MPDZ: variants seen among roughly 807,000 people sequenced by gnomAD.
MPDZ encodes multiple PDZ domain protein.
MPDZ carries 234 observed loss-of-function variants against 239.1 expected under a neutral mutation model. That is an observed-to-expected ratio of 0.98 (90% CI 0.88 to 1.09). The LOEUF (loss-of-function observed/expected upper bound fraction) is 1.09, where lower values mean the gene tolerates loss of function less well. Among genes scored for constraint, MPDZ ranks in the 50% least tolerant of loss-of-function variants. The pLI, the probability that MPDZ is intolerant of heterozygous loss-of-function variation, is 0.00. For missense variants in MPDZ, 3,175 were observed against 2,510.0 expected (o/e 1.26, Z -5.66); for synonymous variants, 1,048 against 881.3 (o/e 1.19, Z -3.35).
chr9:13,122,235 G>T, intron 36 of MPDZ, 65 bp from the exon 37 acceptor site: 1 of 1,412,978 alleles, frequency 7.1e-7, no homozygotes, highest in East Asian at 2.3e-5. Context: ...AGCAGAAATG[G>T]AGTCCAAACA....
At chr9:13,233,516 C>A (rs747847156) in intron 3 of MPDZ, among the ~76,000 whole-genome samples, 5 of 151,950 alleles carry the variant, frequency 3.3e-5, no homozygotes, top group African/African-American at 4.8e-5. Flanking sequence ...TTAGGACTGA[C>A]TGAAAGGTGA....
chr9:13,254,466 T>C (rs1032801787), intron 1 of MPDZ, among the ~76,000 whole-genome samples: 1 of 152,238 alleles, frequency 6.6e-6, no homozygotes, highest in Admixed American at 6.5e-5. Flanking sequence ...ATACACAGTA[T>C]ATTGTTGTAA....
At chr9:13,257,168 C>G (rs1214934289) in intron 1 of MPDZ, among the ~76,000 whole-genome samples, 1 of 152,154 alleles carries the variant, frequency 6.6e-6, no homozygotes, top group African/African-American at 2.4e-5. Flanking sequence ...GCTTAGCTCT[C>G]AGAACCATAA....
chr9:13,188,850 T>A lies in MPDZ; in HGVS notation c.2298A>T (p.Glu766Asp). 1 of 1,613,596 alleles carries A rather than the reference T, an allele frequency of 6.2e-7. No homozygotes were observed. Reference sequence around the variant, plus strand: ...GTGCTCCCTTCAGTGCTTCTACAGCTTCCTCAAGACTGCTGTTTTCCAAGT... The same window carrying A: ...GTGCTCCCTTCAGTGCTTCTACAGCATCCTCAAGACTGCTGTTTTCCAAGT... ...DVNLENSSLE[E>D]AVEALKGAPS... The change falls in exon 17 of 47, where the codon GAA (glutamate) becomes GAT (aspartate). Residue 766 changes from glutamate (E) to aspartate (D), a missense_variant. Glu to Asp is a conservative substitution (Grantham distance 45). Coordinates refer to ENST00000319217, the MANE Select transcript of MPDZ (RefSeq NM_001378778.1).
intron 10 of MPDZ, 54 bp downstream of exon 10, chr9:13,216,720 A>G: frequency 7.4e-7 from 1 of 1,347,786 alleles, no homozygotes; most frequent in Admixed American, 1.9e-5. Context: ...AACTAGGAGA[A>G]TACAATTCTC....
chr9:13,138,133 C>T lies in MPDZ; in HGVS notation c.4024G>A (p.Gly1342Arg), dbSNP rs752997441. The change falls in exon 29 of 47, where the codon GGA (glycine) becomes AGA (arginine). Residue 1342 changes from glycine (G) to arginine (R), a missense_variant. Gly to Arg is a moderately radical substitution (Grantham distance 125). Coordinates refer to ENST00000319217, the MANE Select transcript of MPDZ (RefSeq NM_001378778.1). ...ATATGCAGCTCGCCTGTTAGGGTTC[C>T]ATAACGCTCTCTGATATTTTCTACA... ...YSWKNIRERY[G>R]TLTGELHMIE... 24 of 1,588,064 alleles carry T rather than the reference C, an allele frequency of 1.5e-5. No homozygotes were observed. In the East Asian group the frequency reaches 5.4e-4, roughly 36 times the overall value.
chr9:13,220,300 T>A (rs966016324), intron 7 of MPDZ, among the ~76,000 whole-genome samples: 1 of 152,040 alleles, frequency 6.6e-6, no homozygotes, highest in South Asian at 2.1e-4. Context: ...TGAAAAGCAG[T>A]CTTATGAGCC....
intron 3 of MPDZ, among the ~76,000 whole-genome samples, chr9:13,236,247 GTGTATATA>G (rs1427717923): frequency 5.8e-5 from 1 of 17,122 alleles, no homozygotes; most frequent in Non-Finnish European, 1.2e-4. Context: ...GTGTGTGTGT[GTGTATATA>G]TATATATATA....
chr9:13,166,531 C>G (rs1392807995), intron 22 of MPDZ, among the ~76,000 whole-genome samples: 1 of 152,072 alleles, frequency 6.6e-6, no homozygotes, highest in East Asian at 1.9e-4. Flanking sequence ...TTTTGAATGT[C>G]TGCATGTGTG....
At chr9:13,110,524 T>A (rs1330153323) in intron 44 of MPDZ, 112 bp downstream of exon 44, 1 of 756,892 alleles carries the variant, frequency 1.3e-6, no homozygotes, top group Non-Finnish European at 2.2e-6. Context: ...TCAAGAGAAA[T>A]ATTAAATAAA....
chr9:13,123,740 A>G (rs1944713286), intron 35 of MPDZ, among the ~76,000 whole-genome samples: 2 of 152,214 alleles, frequency 1.3e-5, no homozygotes, highest in South Asian at 4.1e-4. Flanking sequence ...ACATTCAGGG[A>G]ATACCACAAA....
intron 45 of MPDZ, among the ~76,000 whole-genome samples, 192 bp from the exon 46 acceptor site, chr9:13,109,251 T>C (rs1310851363): frequency 1.3e-5 from 2 of 152,152 alleles, no homozygotes; most frequent in African/African-American, 2.4e-5. Context: ...ATTTACATAA[T>C]CTAATGAAAT....
intron 12 of MPDZ, among the ~76,000 whole-genome samples, 180 bp from the exon 13 acceptor site, chr9:13,196,410 G>T (rs750738086): frequency 3.9e-5 from 6 of 152,090 alleles, no homozygotes; most frequent in Non-Finnish European, 8.8e-5. Context: ...CCTATAATTT[G>T]TATGTTTGAC....
chr9:13,108,038 A>C (rs1380598867), intron 46 of MPDZ, among the ~76,000 whole-genome samples: 2 of 152,116 alleles, frequency 1.3e-5, no homozygotes, highest in African/African-American at 4.8e-5. Context: ...TGTAGGTACA[A>C]CACTTTAAAT....
Position 13,125,212 on chromosome 9 carries a change from T to C in MPDZ, c.4807+4A>G. On this transcript the variant is annotated splice_donor_region_variant and intron_variant, in intron 35 of 46. Transcript: ENST00000319217. ...CAGGACTCTCATGAGTCCAGAGGCC[T>C]TACTTCGGATGGACTCCGGTTCTGG... The C allele has an allele frequency of 6.3e-7, 1 of 1,586,524 alleles. No individual in the cohort carries two copies. The highest frequency in any genetic ancestry group is 2.0e-4 in the Middle Eastern group (1 of 5,112).
At chr9:13,266,316 G>T (rs181626479) in intron 1 of MPDZ, among the ~76,000 whole-genome samples, 1 of 152,262 alleles carries the variant, frequency 6.6e-6, no homozygotes, top group Non-Finnish European at 1.5e-5. Context: ...ATTTAATGTG[G>T]TTGTTTTTCT....
chr9:13,224,548 T>G lies in MPDZ; in HGVS notation c.219A>C (p.Glu73Asp). Residue 73 changes from glutamate to aspartate, a missense_variant, in exon 4 of 47, where the codon GAA becomes GAC. Transcript: ENST00000319217. ...NIATSATSNIEYAHVPHLSPA... is the reference protein window; with the variant it reads ...NIATSATSNIDYAHVPHLSPA... ...GGCTGAGATGAGGAACGTGGGCATA[T>G]TCAATATTTGAAGTTGCTGAAGTTG... 1 of 1,611,896 alleles carries G rather than the reference T, an allele frequency of 6.2e-7. No homozygotes were observed. Among genetic ancestry groups the G allele is most frequent in the Non-Finnish European group, 8.5e-7 (1 of 1,178,838 alleles).
Position 13,193,194 on chromosome 9 carries a change from C to G in MPDZ, c.1776G>C (p.Lys592Asn). 1.3e-6 allele frequency: 2 copies of G among 1,599,666 alleles called. No homozygotes were observed. Among genetic ancestry groups the G allele is most frequent in the Non-Finnish European group, 1.7e-6 (2 of 1,171,534 alleles). The change falls in exon 14 of 47, where the codon AAG (lysine) becomes AAC (asparagine). Residue 592 changes from lysine (K) to asparagine (N), a missense_variant. Lys to Asn is a moderately conservative substitution (Grantham distance 94, BLOSUM62 0). Coordinates refer to ENST00000319217, the MANE Select transcript of MPDZ (RefSeq NM_001378778.1). ...LPEGPVGHSGKLFSGDELLEV... is the reference protein window; with the variant it reads ...LPEGPVGHSGNLFSGDELLEV... ...CCAATAGCTCGTCTCCACTGAAGAG[C>G]TTCCCGCTGTGTCCAACAGGACCCT...
intron 13 of MPDZ, 41 bp from the exon 14 acceptor site, chr9:13,193,354 CTTT>C: frequency 6.4e-7 from 1 of 1,553,974 alleles, no homozygotes; most frequent in African/African-American, 1.4e-5. Flanking sequence ...TTTTTATATT[CTTT>C]TTATTTTTAC....
Sources: gnomAD v4.1 joint callset for allele counts (sites outside exome capture counted in the v4.1 genomes callset) on GRCh38, gnomAD v4.1.1 for gene constraint, MANE v1.5 for transcripts, NCBI Gene and HGNC (gene_info 2026-07-23, HGNC 2026-07-21) for gene names.